The following PARD3B variants were observed in gnomAD, a reference collection of about 807,000 sequenced individuals.
The protein encoded by PARD3B is par-3 family cell polarity regulator beta.
A neutral mutation model predicts 130.2 loss-of-function variants in PARD3B; 103 were observed. The ratio of observed to expected loss-of-function variants is 0.79; its 90% CI spans 0.67 to 0.93. The LOEUF (loss-of-function observed/expected upper bound fraction) is 0.93, where lower values mean the gene tolerates loss of function less well. Among genes scored for constraint, PARD3B ranks in the 40% least tolerant of loss-of-function variants. PARD3B has a pLI of 0.00. For missense variants in PARD3B, 1,609 were observed against 1,499.2 expected (o/e 1.07, Z -1.21); for synonymous variants, 583 against 553.2 (o/e 1.05, Z -0.76).
In PARD3B at chr2:205,581,388, T is replaced by C. The variant is rs570972591; in HGVS notation, c.3260+27985T>C. Among the ~76,000 whole-genome samples the C allele has an allele frequency of 5.6e-3, 470 of 84,058 alleles. 2 individuals carry two copies. The highest frequency in any genetic ancestry group is 9.4e-3 in the Non-Finnish European group (379 of 40,288). The allele number at this position is 84,058 out of a possible 152,430, so 55.1% of individuals were successfully genotyped here. A position where few individuals can be genotyped will look rare whatever the true frequency, so the allele number is the denominator to read the frequency against. On this transcript the variant is annotated intron_variant, in intron 22 of 22. Coordinates refer to ENST00000406610, the MANE Select transcript of PARD3B (RefSeq NM_001302769.2). ...ACGTGTGTATGTATGTATATATAAA[T>C]ATATATAAATATATATATAAGTATA...
At chr2:205,467,985 G>C (rs1397853255) in intron 20 of PARD3B, among the ~76,000 whole-genome samples, 1 of 152,184 alleles carries the variant, frequency 6.6e-6, no homozygotes, top group Non-Finnish European at 1.5e-5. Flanking sequence ...CTAGAAAAAT[G>C]TTCCCCACAT....
At chr2:205,608,911 T>A (rs1398539436) in intron 22 of PARD3B, among the ~76,000 whole-genome samples, 3 of 152,222 alleles carry the variant, frequency 2.0e-5, no homozygotes, top group African/African-American at 7.2e-5. Context: ...GTACAAACAT[T>A]TCCTTGGTGT....
intron 2 of PARD3B, among the ~76,000 whole-genome samples, chr2:204,774,179 A>G (rs1485128304): frequency 6.7e-6 from 1 of 150,142 alleles, no homozygotes; most frequent in African/African-American, 2.5e-5. Flanking sequence ...CTCAAATAGC[A>G]CCTTTCTTCT....
chr2:204,830,582 T>C (rs1221895925), intron 2 of PARD3B, among the ~76,000 whole-genome samples: 1 of 152,214 alleles, frequency 6.6e-6, no homozygotes, highest in Non-Finnish European at 1.5e-5. Flanking sequence ...AACTGGAATT[T>C]GAACCCTGCC....
intron 4 of PARD3B, among the ~76,000 whole-genome samples, chr2:205,056,457 A>C (rs1699639532): frequency 6.6e-6 from 1 of 152,072 alleles, no homozygotes; most frequent in East Asian, 1.9e-4. Context: ...CATAAGCAGC[A>C]TGAGAGCCTG....
chr2:204,883,406 T>TATATATATATAATATATTATATATAAA (rs2046130013), intron 2 of PARD3B, among the ~76,000 whole-genome samples: 1 of 101,764 alleles, frequency 9.8e-6, no homozygotes, highest in Non-Finnish European at 2.1e-5. Flanking sequence ...ATATATATAT[T>TATATATATATAATATATTATATATAAA]ATATATATAT....
chr2:205,406,875 TG>T (rs2046433074), intron 19 of PARD3B, among the ~76,000 whole-genome samples: 1 of 152,056 alleles, frequency 6.6e-6, no homozygotes, highest in South Asian at 2.1e-4. Context: ...TTCATCATGT[TG>T]GCCAGGATGG....
At chr2:205,611,127 C>A (rs1237357559) in intron 22 of PARD3B, among the ~76,000 whole-genome samples, 1 of 152,114 alleles carries the variant, frequency 6.6e-6, no homozygotes, top group Non-Finnish European at 1.5e-5. Context: ...TGAGAATGAC[C>A]AGCTGTGGCA....
intron 4 of PARD3B, among the ~76,000 whole-genome samples, chr2:205,093,063 T>C (rs1285493860): frequency 6.6e-6 from 1 of 152,180 alleles, no homozygotes; most frequent in African/African-American, 2.4e-5. Context: ...GAGATGCCTC[T>C]GGCAATGGTT....
At chr2:205,485,191 C>G (rs930338351) in intron 20 of PARD3B, among the ~76,000 whole-genome samples, 1 of 152,094 alleles carries the variant, frequency 6.6e-6, no homozygotes, top group Non-Finnish European at 1.5e-5. Flanking sequence ...TGTTTTGTTT[C>G]ATTTTAACTT....
At chr2:205,018,713 C>A (rs1575566443) in intron 3 of PARD3B, among the ~76,000 whole-genome samples, 2 of 30,610 alleles carry the variant, frequency 6.5e-5, no homozygotes, top group African/African-American at 1.4e-4. Context: ...TTTGATTTAG[C>A]AGTATAAGCA....
rs200505231 is a variant in PARD3B, at chr2:204,940,203, A to G, written c.223-24949A>G. On this transcript the variant is annotated intron_variant, in intron 2 of 22. Transcript: ENST00000406610. ...GTTCAAAGTGTTTAGTGCCTTTTCCAGGTTAGTCACCATGCCAGTTGTTGG... is the reference window on the plus strand; with the variant it reads ...GTTCAAAGTGTTTAGTGCCTTTTCCGGGTTAGTCACCATGCCAGTTGTTGG... 6.6e-5 allele frequency among the ~76,000 whole-genome samples: 10 copies of G among 152,344 alleles called. No homozygotes were observed. The East Asian group carries it at 1.7e-3, about 26-fold the overall frequency.
chr2:204,610,353 A>C lies in PARD3B; in HGVS notation c.120+64234A>C, dbSNP rs1271242925. ...TAAGTAGTCTATCGGCATTATTCTG[A>C]CTTATTGTTCCCTTGTCCTTTTTAT... On this transcript the variant is annotated intron_variant, in intron 1 of 22. Transcript: ENST00000406610. This position sits in a 1 kb window ranked among gnomAD's most constrained non-coding sequence, Gnocchi z 4.1. Among the ~76,000 whole-genome samples, 1 of 152,084 alleles carries C rather than the reference A, an allele frequency of 6.6e-6. No homozygotes were observed. Among genetic ancestry groups the C allele is most frequent in the Non-Finnish European group, 1.5e-5 (1 of 68,010 alleles).
chr2:205,478,353 A>G (rs2049100758), intron 20 of PARD3B, among the ~76,000 whole-genome samples: 1 of 152,182 alleles, frequency 6.6e-6, no homozygotes, highest in Non-Finnish European at 1.5e-5. Context: ...AATATTAATG[A>G]GAGCACTTCA....
intron 2 of PARD3B, among the ~76,000 whole-genome samples, chr2:204,789,600 A>G (rs2042128828): frequency 6.6e-6 from 1 of 152,224 alleles, no homozygotes; most frequent in Admixed American, 6.5e-5. Context: ...TGAAGCAAGA[A>G]CTACTGGGAA....
In PARD3B at chr2:204,832,261, G is replaced by A. The variant is rs571367466; in HGVS notation, c.223-132891G>A. Among the ~76,000 whole-genome samples the A allele has an allele frequency of 2.7e-3, 415 of 151,850 alleles. 1 individual carries two copies. Among genetic ancestry groups the A allele is most frequent in the African/African-American group, 9.8e-3 (408 of 41,424 alleles). ...CAAACAAACAAAAACAAAAAAAAAA[G>A]CTATCATATTCTGGACCAACTGGAT... On this transcript the variant is annotated intron_variant, in intron 2 of 22. Transcript: ENST00000406610.
intron 2 of PARD3B, among the ~76,000 whole-genome samples, chr2:204,693,978 A>G (rs1170932871): frequency 1.3e-5 from 2 of 152,186 alleles, no homozygotes; most frequent in Middle Eastern, 3.4e-3. Flanking sequence ...ATTACAGTCA[A>G]TGAATGAACG....
chr2:205,572,965 G>A lies in PARD3B; in HGVS notation c.3260+19562G>A, dbSNP rs2053611032. The stretch of plus-strand genomic sequence containing the variant: ...GTTCAGCATGGCTAGGGAGGCCTCA[G>A]GAAACTTACAGTCATGGTAGAGGGG... On this transcript the variant is annotated intron_variant, in intron 22 of 22. Coordinates refer to ENST00000406610, the MANE Select transcript of PARD3B (RefSeq NM_001302769.2). The surrounding 1 kb of genome is among the most constrained non-coding windows in gnomAD (Gnocchi z 4.2). 6.6e-6 allele frequency among the ~76,000 whole-genome samples: 1 copy of A among 152,164 alleles called. No homozygotes were observed. The highest frequency in any genetic ancestry group is 1.5e-5 in the Non-Finnish European group (1 of 68,034).
chr2:204,638,481 G>A (rs192057281), intron 1 of PARD3B, among the ~76,000 whole-genome samples: 32 of 152,218 alleles, frequency 2.1e-4, no homozygotes, highest in African/African-American at 6.7e-4. Context: ...ATTACTGATC[G>A]CTATATATTT....
Sources: gnomAD v4.1 joint callset for allele counts (sites outside exome capture counted in the v4.1 genomes callset) on GRCh38, gnomAD v4.1.1 for gene constraint, Gnocchi (gnomAD v3.1) non-coding constraint, MANE v1.5 for transcripts, NCBI Gene and HGNC (gene_info 2026-07-23, HGNC 2026-07-21) for gene names.